Variants in PDK3 observed in about 807,000 individuals in gnomAD.
PDK3 encodes pyruvate dehydrogenase kinase, isozyme 3.
Under a neutral mutation model 32.0 loss-of-function variants are expected in PDK3, and 12 were observed. The ratio of observed to expected loss-of-function variants is 0.37; its 90% CI spans 0.24 to 0.61. PDK3 has a LOEUF of 0.61. Among genes scored for constraint, PDK3 ranks in the 20% least tolerant of loss-of-function variants. The probability of loss-of-function intolerance (pLI) is 0.65; values close to 1 mark genes in which losing one functional copy is unlikely to be tolerated. For missense variants in PDK3, 188 were observed against 316.9 expected, an observed-to-expected ratio of 0.59 and a Z score of 3.09; for synonymous variants, 122 against 116.3, an observed-to-expected ratio of 1.05 and a Z score of -0.31.
Position 24,484,835 on chromosome X carries a change from C to T in PDK3, c.107-9907C>T, listed in dbSNP as rs901633203. Among the ~76,000 whole-genome samples the T allele has an allele frequency of 3.7e-5, 4 of 108,937 alleles. No homozygotes were observed. The South Asian group carries it at 1.8e-3, about 48-fold the overall frequency. The allele number at this position is 108,937 out of a possible 115,157, so 94.6% of individuals were successfully genotyped here. On this transcript the variant is annotated intron_variant, in intron 1 of 10. Transcript: ENST00000379162. ...TTTGCTTTATTTTTCCCTCTCCATC[C>T]ATCCCTATTCCTCTCTCTCTCTCTC...
Position 24,483,482 on chromosome X carries a change from C to T in PDK3, c.107-11260C>T, listed in dbSNP as rs1921313417. On this transcript the variant is annotated intron_variant, in intron 1 of 10. Transcript: ENST00000379162. ...GTCTCTTCCACTCTCTGGCCTGACACACCATATTGACTGTTACTGCCACTG... is the reference window on the plus strand; with the variant it reads ...GTCTCTTCCACTCTCTGGCCTGACATACCATATTGACTGTTACTGCCACTG... Among the ~76,000 whole-genome samples, 4 of 111,907 alleles carry T rather than the reference C, an allele frequency of 3.6e-5. No homozygotes were observed. The South Asian group carries it at 1.5e-3, about 41-fold the overall frequency.
chrX:24,498,269 C>T (rs1417078430), intron 2 of PDK3, among the ~76,000 whole-genome samples: 1 of 111,580 alleles, frequency 9.0e-6, no homozygotes, highest in Admixed American at 9.5e-5. Flanking sequence ...TGGCTCATGT[C>T]ACTAGAAGGT....
intron 1 of PDK3, among the ~76,000 whole-genome samples, chrX:24,473,709 T>C (rs1047929993): frequency 1.8e-5 from 2 of 111,569 alleles, no homozygotes; most frequent in Non-Finnish European, 3.8e-5. Context: ...AGTGCTGGGA[T>C]TACAGGCATG....
rs747056432 is a variant in PDK3 at position 24,475,123 on chromosome X, A to G, written c.106+9562A>G. On this transcript the variant is annotated intron_variant, in intron 1 of 10. Coordinates refer to ENST00000379162, the MANE Select transcript of PDK3 (RefSeq NM_005391.5). ...AAAAAATTATGTTAGGAAAAGGGAA[A>G]AACAATCTCATTCTGCTTCCGAGTG... Among the ~76,000 whole-genome samples, 4 of 111,900 alleles carry G rather than the reference A, an allele frequency of 3.6e-5. No homozygotes were observed. The South Asian group carries it at 1.5e-3, about 42-fold the overall frequency.
At chrX:24,504,259 T>C (rs1422456849) in intron 4 of PDK3, among the ~76,000 whole-genome samples, 1 of 112,505 alleles carries the variant, frequency 8.9e-6, no homozygotes, top group Non-Finnish European at 1.9e-5. Context: ...AACTATTAAA[T>C]GTGGCCTTAT....
intron 5 of PDK3, among the ~76,000 whole-genome samples, chrX:24,516,716 T>A (rs1922262218): frequency 9.0e-6 from 1 of 111,360 alleles, no homozygotes; most frequent in Non-Finnish European, 1.9e-5. Flanking sequence ...AACTTCTTTT[T>A]GTAGTGATGA....
chrX:24,538,501 G>A (rs1045659971), downstream of PDK3, among the ~76,000 whole-genome samples: 2 of 112,092 alleles, frequency 1.8e-5, no homozygotes, highest in East Asian at 2.8e-4. Context: ...AATTCTGGCC[G>A]GGCACAGTAG....
At chrX:24,548,851 C>T (rs1050929164) in exon 12 of PDK3, 2 of 111,667 alleles carry the variant, frequency 1.8e-5, no homozygotes, top group Non-Finnish European at 3.8e-5. Context: ...GCCATTGAGC[C>T]GTGCTAAATG....
intron 5 of PDK3, among the ~76,000 whole-genome samples, chrX:24,514,663 TTTTAC>T (rs1295092164): frequency 8.9e-6 from 1 of 111,799 alleles, no homozygotes; most frequent in Non-Finnish European, 1.9e-5. Flanking sequence ...TGTTAAATTA[TTTTAC>T]TTAAACAGAA....
exon 12 of PDK3, chrX:24,547,681 A>G (rs923931308): frequency 8.9e-6 from 1 of 112,663 alleles, no homozygotes; most frequent in African/African-American, 3.2e-5. Flanking sequence ...GATTCCATTA[A>G]GTTTGCTTAA....
chrX:24,478,630 T>C (rs1311170978), intron 1 of PDK3, among the ~76,000 whole-genome samples: 1 of 112,103 alleles, frequency 8.9e-6, no homozygotes, highest in Admixed American at 9.5e-5. Flanking sequence ...CCATTCCTGG[T>C]CATTGCCTCA....
chrX:24,470,793 G>C lies in PDK3; in HGVS notation c.106+5232G>C, dbSNP rs372248082. On this transcript the variant is annotated intron_variant, in intron 1 of 10. Coordinates refer to ENST00000379162, the MANE Select transcript of PDK3 (RefSeq NM_005391.5). ...TAGCTGAGATAGTTGTCACTGAACA[G>C]TCTTAATTTTCCCTGTGACATTTGT... Among the ~76,000 whole-genome samples the C allele has an allele frequency of 1.3e-3, 146 of 109,542 alleles. 1 individual carries two copies. In the South Asian group the frequency reaches 0.056, roughly 42 times the overall value.
At chrX:24,531,885 A>C in intron 10 of PDK3, 115 bp downstream of exon 10, 1 of 416,698 alleles carries the variant, frequency 2.4e-6, no homozygotes, top group Non-Finnish European at 4.2e-6. Flanking sequence ...GATTTACTTC[A>C]TTTTCCCATG....
At chrX:24,491,157 T>C (rs1431818908) in intron 1 of PDK3, among the ~76,000 whole-genome samples, 1 of 108,067 alleles carries the variant, frequency 9.3e-6, no homozygotes, top group Non-Finnish European at 1.9e-5. Flanking sequence ...TTTGTAAAAA[T>C]ACAAAAATTA....
exon 12 of PDK3, chrX:24,545,940 A>T (rs971552531): frequency 1.6e-4 from 18 of 112,234 alleles, no homozygotes; most frequent in Non-Finnish European, 2.8e-4. Flanking sequence ...AGAAAGGGAG[A>T]TGCAGAAGAT....
rs769015625 is a variant in PDK3, at chrX:24,529,865, C to G, written c.963+1679C>G. Among the ~76,000 whole-genome samples, 13 of 112,086 alleles carry G rather than the reference C, an allele frequency of 1.2e-4. No individual in the cohort carries two copies. The East Asian group carries it at 3.4e-3, about 29-fold the overall frequency. ...TAATTTCCTCATTGAGCAACTTACA[C>G]TTTTACACCTTTTACACCTCTGTGC... is the stretch of plus-strand genomic sequence containing the variant. On this transcript the variant is annotated intron_variant, in intron 9 of 10. Transcript: ENST00000379162.
At chrX:24,492,932 G>A (rs1270190884) in intron 1 of PDK3, among the ~76,000 whole-genome samples, 2 of 108,589 alleles carry the variant, frequency 1.8e-5, no homozygotes, top group Non-Finnish European at 1.9e-5. Flanking sequence ...CCCAGGAGGC[G>A]GAGGTTGCAG....
Position 24,524,986 on chromosome X carries a change from G to A in PDK3, c.674-1212G>A, listed in dbSNP as rs773045883. The stretch of plus-strand genomic sequence containing the variant: ...AGCCTGTCCAACATGGCAAAACCCC[G>A]TCTCTACTAAAAATACAAAAATTAG... On this transcript the variant is annotated intron_variant, in intron 6 of 10. Transcript: ENST00000379162. Among the ~76,000 whole-genome samples the A allele has an allele frequency of 3.6e-5, 4 of 110,298 alleles. No homozygotes were observed. In the East Asian group the frequency reaches 8.6e-4, roughly 24 times the overall value.
chrX:24,537,571 A>G (rs1052777046), downstream of PDK3, among the ~76,000 whole-genome samples: 1 of 110,950 alleles, frequency 9.0e-6, no homozygotes, highest in African/African-American at 3.3e-5. Flanking sequence ...TCATAAGTTC[A>G]TATTGATATT....
Sources: allele counts gnomAD v4.1 joint callset (sites outside exome capture counted in the v4.1 genomes callset), GRCh38; gene constraint gnomAD v4.1.1; transcripts MANE v1.5; gene names NCBI Gene and HGNC (gene_info 2026-07-23, HGNC 2026-07-21).